ESYT1: variants seen among roughly 807,000 people sequenced by gnomAD.
ESYT1 encodes extended synaptotagmin-1.
A neutral mutation model predicts 154.2 loss-of-function variants in ESYT1; 116 were observed. The ratio of observed to expected loss-of-function variants is 0.75; its 90% CI spans 0.65 to 0.88. ESYT1 has a LOEUF of 0.88. ESYT1 is among the 40% of genes least tolerant of loss of function. ESYT1 has a pLI of 0.00. For missense variants in ESYT1, 1,264 were observed against 1,379.3 expected, an observed-to-expected ratio of 0.92 and a Z score of 1.32; for synonymous variants, 500 against 539.9, an observed-to-expected ratio of 0.93 and a Z score of 1.02.
At chr12:56,137,443 G>T in intron 17 of ESYT1, 56 bp from the exon 18 acceptor site, 1 of 1,609,968 alleles carries the variant, frequency 6.2e-7, no homozygotes. Context: ...TTTCAGGGCA[G>T]ATTCTGACAG....
At chr12:56,139,165 G>T in intron 24 of ESYT1, 152 bp downstream of exon 24, 1 of 626,874 alleles carries the variant, frequency 1.6e-6, no homozygotes, top group Non-Finnish European at 2.8e-6. Context: ...CTGGAGTGCA[G>T]TGGTGCTATC....
chr12:56,133,353 A>G, intron 10 of ESYT1, 64 bp from the exon 11 acceptor site: 1 of 1,590,884 alleles, frequency 6.3e-7, no homozygotes, highest in South Asian at 1.1e-5. Context: ...GGCCACTGAC[A>G]TGCTGCTAAT....
rs1049373802 is a variant in ESYT1, at chr12:56,131,273, A to C, written c.671A>C (p.Glu224Ala). The change falls in exon 5 of 31, where the codon GAA becomes GCA. Residue 224 changes from glutamate (E) to alanine (A), a missense_variant. Physicochemically the swap from Glu to Ala is moderately radical, Grantham distance 107. Transcript: ENST00000394048. ...GTAGGTGATGTGCAGATTGATGTGG[A>C]AGTGAAGAAATATTTTTGCAAAGCA... ...SYVGDVQIDV[E>A]VKKYFCKAGV... The C allele has an allele frequency of 3.1e-6, 5 of 1,614,020 alleles. No individual in the cohort carries two copies. In the Admixed American group the frequency reaches 8.3e-5, roughly 27 times the overall value.
At position 56,132,513 on chromosome 12, in the gene ESYT1, T is replaced by A. The variant is rs368188452; in HGVS notation, c.1077T>A (p.Tyr359Ter). 1 of 1,614,104 alleles carries A rather than the reference T, an allele frequency of 6.2e-7. No homozygotes were observed. The highest frequency in any genetic ancestry group is 1.3e-5 in the African/African-American group (1 of 74,936). ...TGATTGAGGGCAAGTCAGACCCATATGCACTTGTGCGTTTGGGTACCCAGA... is the reference window on the plus strand; with the variant it reads ...TGATTGAGGGCAAGTCAGACCCATAAGCACTTGTGCGTTTGGGTACCCAGA... Reference protein sequence around the residue: ...KGLIEGKSDPYALVRLGTQTF... With the variant: ...KGLIEGKSDP Residue 359 changes from tyrosine (Y) to a stop codon, truncating the protein, a stop_gained, in exon 9 of 31, where the codon TAT becomes TAA. Transcript: ENST00000394048. LOFTEE classifies it high-confidence loss of function.
intron 30 of ESYT1, 56 bp from the exon 31 acceptor site, chr12:56,143,767 A>G: frequency 6.2e-7 from 1 of 1,613,094 alleles, no homozygotes; most frequent in Non-Finnish European, 8.5e-7. Context: ...ATCGTGTCTC[A>G]TTTATAAATA....
intron 22 of ESYT1, 107 bp from the exon 23 acceptor site, chr12:56,138,661 C>A: frequency 7.6e-7 from 1 of 1,323,144 alleles, no homozygotes; most frequent in Non-Finnish European, 1.1e-6. Context: ...CGGGTAGTGG[C>A]TGCCAAGTAA....
In ESYT1 at chr12:56,142,940, C is replaced by G; in HGVS notation, c.2987+7C>G. 6.2e-7 allele frequency: 1 copy of G among 1,614,146 alleles called. No individual in the cohort carries two copies. Among genetic ancestry groups the G allele is most frequent in the Non-Finnish European group, 8.5e-7 (1 of 1,180,020 alleles). ...GCATTGTTCATGGTTGCCGGTGAGA[C>G]CCCATCCCTCCTGTCCTCCAGATCG... On this transcript the variant is annotated splice_region_variant and intron_variant, in intron 27 of 30. Transcript: ENST00000394048. The surrounding 1 kb of genome is among the most constrained non-coding windows in gnomAD (Gnocchi z 4.1).
intron 7 of ESYT1, 120 bp downstream of exon 7, chr12:56,131,924 G>A: frequency 8.9e-7 from 1 of 1,126,440 alleles, no homozygotes; most frequent in South Asian, 1.3e-5. Context: ...CATTTGGGGA[G>A]CAAAGACAAA....
chr12:56,135,060 C>CA (rs1167676287), intron 15 of ESYT1, among the ~76,000 whole-genome samples: 1 of 151,512 alleles, frequency 6.6e-6, no homozygotes, highest in East Asian at 2.0e-4. Flanking sequence ...ATTTACATAC[C>CA]ATAGAATCAC....
chr12:56,137,007 G>A, intron 16 of ESYT1, 114 bp downstream of exon 16: 2 of 1,376,490 alleles, frequency 1.5e-6, no homozygotes, highest in Non-Finnish European at 2.0e-6. Flanking sequence ...ATGTAGAAGT[G>A]CCAAGCAGGC....
rs866373451 is a variant in ESYT1, at chr12:56,138,337, G to A, written c.2337+65G>A. ...GGGCAGGATGAGCTCTTCTCTTAGC[G>A]TTCAAGGCACATGCCAGAACCCAAG... On this transcript the variant is annotated intron_variant, in intron 21 of 30. Transcript: ENST00000394048. The A allele has an allele frequency of 5.3e-5, 86 of 1,612,226 alleles. No homozygotes were observed. In the Middle Eastern group the frequency reaches 8.2e-4, roughly 15 times the overall value.
At chr12:56,139,969 C>T (rs1421886396) in intron 24 of ESYT1, among the ~76,000 whole-genome samples, 3 of 151,840 alleles carry the variant, frequency 2.0e-5, no homozygotes. Flanking sequence ...AGCCTCAACT[C>T]TTGGGCTCTA....
At chr12:56,141,619 A>C (rs1040253059) in intron 24 of ESYT1, among the ~76,000 whole-genome samples, 1 of 152,130 alleles carries the variant, frequency 6.6e-6, no homozygotes, top group Non-Finnish European at 1.5e-5. Flanking sequence ...GGACACCTGT[A>C]GTCCCAGCTA....
At chr12:56,131,722 G>C (rs368717672) in intron 6 of ESYT1, 27 bp from the exon 7 acceptor site, 3 of 1,613,888 alleles carry the variant, frequency 1.9e-6, no homozygotes, top group Admixed American at 1.7e-5. Flanking sequence ...CATAGGATCT[G>C]TCCTGACCCC....
At chr12:56,136,593 A>G (rs1870466272) in intron 15 of ESYT1, 151 bp from the exon 16 acceptor site, 1 of 413,302 alleles carries the variant, frequency 2.4e-6, no homozygotes, top group Non-Finnish European at 3.7e-6. Flanking sequence ...TCTGTCTCAA[A>G]AAAAAAAAAA....
intron 5 of ESYT1, 66 bp from the exon 6 acceptor site, chr12:56,131,411 A>G (rs1426076951): frequency 6.2e-7 from 1 of 1,609,988 alleles, no homozygotes; most frequent in African/African-American, 1.3e-5. Context: ...CAAGGCTGAG[A>G]AAGTCTGGGA....
chr12:56,138,569 C>G (rs1870560868), intron 22 of ESYT1, 70 bp downstream of exon 22: 1 of 1,443,794 alleles, frequency 6.9e-7, no homozygotes. Context: ...TTGGATGGTC[C>G]TGGAGTATTT....
Position 56,139,104 on chromosome 12 carries a change from G to A in ESYT1, c.2592+91G>A, listed in dbSNP as rs372336755. The stretch of plus-strand genomic sequence containing the variant: ...CAGAGCATTCAGAGATGAGATAAAA[G>A]GTTGACTTTTTTTTTTTTTTTTGAG... On this transcript the variant is annotated intron_variant, in intron 24 of 30. Coordinates refer to ENST00000394048, the MANE Select transcript of ESYT1 (RefSeq NM_015292.3). 825 of 976,004 alleles carry A rather than the reference G, an allele frequency of 8.5e-4. 1 individual carries two copies. The African/African-American group carries it at 0.013, about 15-fold the overall frequency. The allele number at this position is 976,004 out of a possible 1,614,324, so 60.5% of individuals were successfully genotyped here. A position where few individuals can be genotyped will look rare whatever the true frequency, so the allele number is the denominator to read the frequency against.
chr12:56,130,896 A>T lies in ESYT1; in HGVS notation c.538A>T (p.Thr180Ser), dbSNP rs1316332817. The T allele has an allele frequency of 1.9e-6, 3 of 1,614,086 alleles. No homozygotes were observed. The highest frequency in any genetic ancestry group is 1.7e-6 in the Non-Finnish European group (2 of 1,180,044). ...RGSNPHLQTF[T>S]FTRVELGEKP... ...ATCTAACCCCCATCTGCAAACATTT[A>T]CATTTACACGAGTGGAACTGGGTGA... Residue 180 changes from threonine to serine, a missense_variant, in exon 3 of 31, where the codon ACA becomes TCA. By Grantham distance (58) the Thr-to-Ser change is moderately conservative. Transcript: ENST00000394048.
Sources: gnomAD v4.1 joint callset for allele counts (sites outside exome capture counted in the v4.1 genomes callset) on GRCh38, gnomAD v4.1.1 for gene constraint, Gnocchi (gnomAD v3.1) non-coding constraint, MANE v1.5 for transcripts, NCBI Gene and HGNC (gene_info 2026-07-23, HGNC 2026-07-21) for gene names.